Variants in KIAA1217 observed in about 807,000 individuals in gnomAD.
KIAA1217 encodes KIAA1217, also known as sickle tail protein homolog.
In KIAA1217, 88 loss-of-function variants were observed where a neutral mutation model predicts 163.9. The ratio of observed to expected loss-of-function variants is 0.54; its 90% CI spans 0.45 to 0.64. The LOEUF (loss-of-function observed/expected upper bound fraction) is 0.64. KIAA1217 is among the 30% of genes least tolerant of loss of function. KIAA1217 has a pLI of 0.00. For missense variants in KIAA1217, 2,372 were observed against 2,475.0 expected (o/e 0.96, Z 0.88); for synonymous variants, 903 against 923.1 (o/e 0.98, Z 0.39).
chr10:24,148,606 T>A (rs1405133286), intron 2 of KIAA1217, among the ~76,000 whole-genome samples: 2 of 152,160 alleles, frequency 1.3e-5, no homozygotes, highest in Non-Finnish European at 2.9e-5. Context: ...CACTCTCTTC[T>A]TGCTCCCTCT....
chr10:23,911,479 T>C (rs16924054), intron 1 of KIAA1217, among the ~76,000 whole-genome samples: 2,979 of 152,344 alleles, frequency 0.02, 101 homozygotes, highest in African/African-American at 0.065. Flanking sequence ...ATAGATGCTA[T>C]ACGAAGGACA....
At chr10:23,799,402 A>G (rs1836366782) in intron 1 of KIAA1217, among the ~76,000 whole-genome samples, 1 of 152,184 alleles carries the variant, frequency 6.6e-6, no homozygotes. Context: ...GCACTTCACA[A>G]ACTGTGAAGT....
intron 2 of KIAA1217, among the ~76,000 whole-genome samples, chr10:24,085,665 T>A (rs2061674046): frequency 6.6e-6 from 1 of 150,876 alleles, no homozygotes; most frequent in Non-Finnish European, 1.5e-5. Context: ...ACACACAATT[T>A]CAGTTAAAAA....
At chr10:24,223,818 A>G (rs1203116241) in intron 2 of KIAA1217, among the ~76,000 whole-genome samples, 13 of 150,948 alleles carry the variant, frequency 8.6e-5, no homozygotes, top group Non-Finnish European at 1.5e-5. Flanking sequence ...GGCTCAAGCA[A>G]TCCTCCCACC....
At chr10:23,766,508 C>G (rs1379382846) in intron 1 of KIAA1217, among the ~76,000 whole-genome samples, 1 of 151,862 alleles carries the variant, frequency 6.6e-6, no homozygotes, top group African/African-American at 2.4e-5. Context: ...ACTATGTGCT[C>G]AAGTTAGTTG....
At chr10:23,949,963 T>C (rs1260591377) in intron 1 of KIAA1217, among the ~76,000 whole-genome samples, 1 of 152,176 alleles carries the variant, frequency 6.6e-6, no homozygotes, top group Non-Finnish European at 1.5e-5. Flanking sequence ...TACTAACTCA[T>C]TGCATGCTTA....
At chr10:24,385,385 G>A (rs1359633184) in intron 3 of KIAA1217, among the ~76,000 whole-genome samples, 1 of 152,176 alleles carries the variant, frequency 6.6e-6, no homozygotes, top group South Asian at 2.1e-4. Flanking sequence ...AACAGTAGCT[G>A]TGTTTTGGAC....
chr10:24,289,359 C>G (rs1290346465), intron 2 of KIAA1217, among the ~76,000 whole-genome samples: 1 of 152,032 alleles, frequency 6.6e-6, no homozygotes, highest in Non-Finnish European at 1.5e-5. Context: ...TGTGTGGGCC[C>G]TACAGAGGCC....
chr10:24,167,151 T>C (rs2065389038), intron 2 of KIAA1217, among the ~76,000 whole-genome samples: 1 of 151,458 alleles, frequency 6.6e-6, no homozygotes, highest in Non-Finnish European at 1.5e-5. Flanking sequence ...GTAAGATTCC[T>C]TTCTGCTTGG....
chr10:23,965,975 A>G (rs1845051629), intron 1 of KIAA1217, among the ~76,000 whole-genome samples: 1 of 152,202 alleles, frequency 6.6e-6, no homozygotes. Context: ...CTTTCTAACC[A>G]TGACACCATG....
At chr10:24,438,216 C>T (rs895407581) in intron 4 of KIAA1217, among the ~76,000 whole-genome samples, 170 bp from the exon 5 acceptor site, 11 of 151,876 alleles carry the variant, frequency 7.2e-5, no homozygotes, top group Admixed American at 2.0e-4. Flanking sequence ...TCTTCTTTTC[C>T]GTATTTATAA....
chr10:24,184,424 T>A (rs2066325644), intron 2 of KIAA1217, among the ~76,000 whole-genome samples: 1 of 152,230 alleles, frequency 6.6e-6, no homozygotes, highest in South Asian at 2.1e-4. Context: ...TTTTTGAAAG[T>A]ATACCCAGCA....
intron 1 of KIAA1217, among the ~76,000 whole-genome samples, chr10:23,892,353 G>T (rs952857079): frequency 6.6e-6 from 1 of 151,850 alleles, no homozygotes; most frequent in Non-Finnish European, 1.5e-5. Flanking sequence ...CTTTCATCTG[G>T]TTTCTTTAAA....
chr10:23,841,498 G>A (rs1405900447), intron 1 of KIAA1217, among the ~76,000 whole-genome samples: 3 of 152,036 alleles, frequency 2.0e-5, no homozygotes, highest in Non-Finnish European at 2.9e-5. Context: ...ATTATATATG[G>A]GAATGATCTG....
In KIAA1217 at chr10:24,473,424, G is replaced by A; in HGVS notation, c.1043G>A (p.Arg348Lys). ...GTTCCTGGCAATGCCACCATCCCCA[G>A]GGACAGAATCTCCAGCCTGCCAGTC... ...MVVPGNATIP[R>K]DRISSLPVSR... Residue 348 changes from arginine to lysine, a missense_variant, in exon 6 of 21, where the codon AGG (arginine) becomes AAG (lysine). Coordinates refer to ENST00000376454, the MANE Select transcript of KIAA1217 (RefSeq NM_019590.5). 6.2e-7 allele frequency: 1 copy of A among 1,614,052 alleles called. No homozygotes were observed. The highest frequency in any genetic ancestry group is 8.5e-7 in the Non-Finnish European group (1 of 1,180,000).
intron 1 of KIAA1217, among the ~76,000 whole-genome samples, chr10:23,879,699 G>C (rs1006804595): frequency 6.6e-6 from 1 of 151,940 alleles, no homozygotes; most frequent in Admixed American, 6.6e-5. Context: ...CTGTATAAAA[G>C]AGAGTAGAGA....
intron 2 of KIAA1217, among the ~76,000 whole-genome samples, chr10:24,240,957 GCAATCCTCC>G: frequency 1.3e-5 from 2 of 152,032 alleles, no homozygotes; most frequent in East Asian, 3.9e-4. Flanking sequence ...CCCGGCTAAA[GCAATCCTCC>G]CACCTCAGCC....
At chr10:23,746,524 G>C (rs1012139265) in intron 1 of KIAA1217, among the ~76,000 whole-genome samples, 2 of 151,936 alleles carry the variant, frequency 1.3e-5, no homozygotes, top group Admixed American at 6.6e-5. Context: ...CCCGGGTTCA[G>C]GCCATTCTCC....
intron 8 of KIAA1217, among the ~76,000 whole-genome samples, chr10:24,496,635 C>G (rs561388973): frequency 6.6e-6 from 1 of 152,116 alleles, no homozygotes; most frequent in South Asian, 2.1e-4. Flanking sequence ...AACTCCTTAC[C>G]GCAGCATCTA....
Sources: allele counts gnomAD v4.1 joint callset (sites outside exome capture counted in the v4.1 genomes callset), GRCh38; gene constraint gnomAD v4.1.1; transcripts MANE v1.5; gene names NCBI Gene and HGNC (gene_info 2026-07-23, HGNC 2026-07-21).